The following NFAM1 variants were observed in gnomAD, a reference collection of about 807,000 sequenced individuals.
NFAM1 encodes the protein NFAT activating protein with ITAM motif 1.
A neutral mutation model predicts 29.0 loss-of-function variants in NFAM1; 17 were observed. The observed-to-expected ratio is 0.59, with a 90% confidence interval of 0.40 to 0.88. The LOEUF (loss-of-function observed/expected upper bound fraction) is 0.88. NFAM1 is among the 40% of genes least tolerant of loss of function. The pLI is 0.00. For missense variants in NFAM1, 324 were observed against 344.6 expected (o/e 0.94, Z 0.47); for synonymous variants, 175 against 147.2 (o/e 1.19, Z -1.36).
chr22:42,398,028 GA>G, intron 3 of NFAM1, 72 bp from the exon 4 acceptor site: 1 of 765,012 alleles, frequency 1.3e-6, no homozygotes, highest in Non-Finnish European at 2.2e-6. Context: ...CCCCCCAGGG[GA>G]AAGGATGGCA....
intron 1 of NFAM1, among the ~76,000 whole-genome samples, chr22:42,426,203 G>T (rs534501526): frequency 2.0e-5 from 3 of 152,252 alleles, no homozygotes; most frequent in Admixed American, 1.3e-4. Context: ...GATGGGGAGG[G>T]TCTTATCTGA....
chr22:42,395,436 G>A (rs5996151), intron 4 of NFAM1, among the ~76,000 whole-genome samples: 25,270 of 149,974 alleles, frequency 0.17, 2,264 homozygotes, highest in African/African-American at 0.21. Context: ...AGATTGCACC[G>A]TTGCACTCCA....
At chr22:42,400,191 G>T (rs1047944099) in intron 3 of NFAM1, among the ~76,000 whole-genome samples, 1 of 152,238 alleles carries the variant, frequency 6.6e-6, no homozygotes, top group African/African-American at 2.4e-5. Context: ...GTTAGAACGT[G>T]TGAGCCTCAC....
At position 42,391,536 on chromosome 22, in the gene NFAM1, G is replaced by C. The variant is rs1003652624; in HGVS notation, c.664-4458C>G. 5.9e-5 allele frequency among the ~76,000 whole-genome samples: 9 copies of C among 152,246 alleles called. No homozygotes were observed. The East Asian group carries it at 1.7e-3, about 29-fold the overall frequency. On this transcript the variant is annotated intron_variant, in intron 4 of 5. Transcript: ENST00000329021. The stretch of plus-strand genomic sequence containing the variant: ...AAGATTTGTTGATAGATCAGATATG[G>C]GCAGTGATTGAAACACAGATGGAGA...
At chr22:42,425,908 G>T (rs1294279382) in intron 1 of NFAM1, among the ~76,000 whole-genome samples, 2 of 152,294 alleles carry the variant, frequency 1.3e-5, no homozygotes, top group East Asian at 1.9e-4. Context: ...TGAACACCTT[G>T]GGGGAGAGGG....
intron 5 of NFAM1, among the ~76,000 whole-genome samples, chr22:42,385,588 CT>C (rs2147086819): frequency 6.6e-6 from 1 of 152,122 alleles, no homozygotes; most frequent in South Asian, 2.1e-4. Context: ...CAGGGACCCC[CT>C]CCCTCCCTCC....
At chr22:42,415,354 C>T (rs181241396) in intron 1 of NFAM1, among the ~76,000 whole-genome samples, 1 of 139,744 alleles carries the variant, frequency 7.2e-6, no homozygotes, top group East Asian at 2.1e-4. Flanking sequence ...GGCTGGAGTG[C>T]GATGGCGCGA....
rs556275742 is a variant in NFAM1 at position 42,384,739 on chromosome 22, G to A, written c.*422C>T. On this transcript the variant is annotated 3_prime_UTR_variant, in exon 6 of 6. Coordinates refer to ENST00000329021, the MANE Select transcript of NFAM1 (RefSeq NM_145912.8). The stretch of plus-strand genomic sequence containing the variant: ...CTCGGCTCCCCACACAGCACTGCTA[G>A]GCGCCCCTGCAGGGTCCTCCCTCAG... 2.2e-4 allele frequency: 50 copies of A among 222,614 alleles called. No homozygotes were observed. The Admixed American group carries it at 2.5e-3, about 11-fold the overall frequency. The allele number at this position is 222,614 out of a possible 1,614,324, so 13.8% of individuals were successfully genotyped here.
At chr22:42,386,303 A>G (rs192147933) in intron 5 of NFAM1, among the ~76,000 whole-genome samples, 1,608 of 151,366 alleles carry the variant, frequency 0.011, 26 homozygotes, top group African/African-American at 0.037. Flanking sequence ...GAACCTGAGA[A>G]GTGGAGGTTG....
chr22:42,411,670 A>G lies in NFAM1; in HGVS notation c.188T>C (p.Phe63Ser). The change falls in exon 2 of 6, where the codon TTC (phenylalanine) becomes TCC (serine). Residue 63 changes from phenylalanine (F) to serine (S), a missense_variant. Transcript: ENST00000329021. Reference sequence around the variant, plus strand: ...GTATGGATAGGTGATCCTGCAGCTGAAGGAGATAGCTGTGTTGGCCAGGGA... The same window carrying G: ...GTATGGATAGGTGATCCTGCAGCTGGAGGAGATAGCTGTGTTGGCCAGGGA... The part of the protein sequence containing the change: ...MASLANTAIS[F>S]SCRITYPYTP... 1 of 1,614,042 alleles carries G rather than the reference A, an allele frequency of 6.2e-7. No individual in the cohort carries two copies.
At chr22:42,402,106 C>G (rs1462816761) in intron 3 of NFAM1, among the ~76,000 whole-genome samples, 1 of 152,170 alleles carries the variant, frequency 6.6e-6, no homozygotes, top group Non-Finnish European at 1.5e-5. Context: ...CAGCAGAGAC[C>G]TATATTCCAG....
chr22:42,397,657 A>G (rs558618276), intron 4 of NFAM1, among the ~76,000 whole-genome samples: 1 of 152,320 alleles, frequency 6.6e-6, no homozygotes, highest in Admixed American at 6.5e-5. Context: ...GCCTTCCAGG[A>G]GCCCTGCACG....
chr22:42,386,107 C>T (rs543708064), intron 5 of NFAM1, among the ~76,000 whole-genome samples: 2 of 152,220 alleles, frequency 1.3e-5, no homozygotes, highest in South Asian at 4.1e-4. Context: ...GGGCGCGGTG[C>T]CTCACACCTT....
At chr22:42,412,308 G>C (rs556721003) in intron 1 of NFAM1, among the ~76,000 whole-genome samples, 111 of 152,010 alleles carry the variant, frequency 7.3e-4, no homozygotes, top group African/African-American at 2.6e-3. Context: ...TACCTCTCCT[G>C]CACTTGCTGT....
intron 1 of NFAM1, among the ~76,000 whole-genome samples, chr22:42,422,105 A>C (rs1930464676): frequency 6.6e-6 from 1 of 151,988 alleles, no homozygotes; most frequent in Admixed American, 6.6e-5. Flanking sequence ...ATCTTTCAAC[A>C]CCTCCAAATT....
At chr22:42,417,688 G>C (rs747191088) in intron 1 of NFAM1, among the ~76,000 whole-genome samples, 5 of 152,154 alleles carry the variant, frequency 3.3e-5, no homozygotes, top group Non-Finnish European at 5.9e-5. Context: ...GCAGGGGCAG[G>C]GAGTTTGGCC....
intron 1 of NFAM1, among the ~76,000 whole-genome samples, chr22:42,416,331 T>C (rs1930258967): frequency 6.6e-6 from 1 of 152,102 alleles, no homozygotes; most frequent in African/African-American, 2.4e-5. Flanking sequence ...GCAGAGGATC[T>C]TAAAGGCCCA....
intron 5 of NFAM1, among the ~76,000 whole-genome samples, chr22:42,386,171 G>C (rs528876083): frequency 2.0e-5 from 3 of 152,000 alleles, no homozygotes; most frequent in African/African-American, 7.3e-5. Flanking sequence ...TCAGGAGTTC[G>C]AGACCAGCCT....
chr22:42,417,582 A>G (rs1004663613), intron 1 of NFAM1, among the ~76,000 whole-genome samples: 55 of 152,114 alleles, frequency 3.6e-4, no homozygotes, highest in Admixed American at 7.9e-4. Context: ...AGGTGGCTGC[A>G]AGGAGCACCC....
Sources: gnomAD v4.1 joint callset for allele counts (sites outside exome capture counted in the v4.1 genomes callset) on GRCh38, gnomAD v4.1.1 for gene constraint, MANE v1.5 for transcripts, NCBI Gene and HGNC (gene_info 2026-07-23, HGNC 2026-07-21) for gene names.